The following HHAT variants were observed in gnomAD, a reference collection of about 807,000 sequenced individuals.
HHAT encodes hedgehog acyltransferase, also known as protein-cysteine N-palmitoyltransferase HHAT.
HHAT carries 47 observed loss-of-function variants against 70.8 expected under a neutral mutation model. That is an observed-to-expected ratio of 0.66 (90% CI 0.53 to 0.85). HHAT has a LOEUF of 0.85. HHAT is among the 40% of genes least tolerant of loss of function. HHAT has a pLI of 0.00. For missense variants in HHAT, 609 were observed against 604.8 expected (o/e 1.01, Z -0.07); for synonymous variants, 228 against 247.6 (o/e 0.92, Z 0.74).
At chr1:210,545,056 T>G (rs1164745413) in intron 9 of HHAT, among the ~76,000 whole-genome samples, 1 of 151,912 alleles carries the variant, frequency 6.6e-6, no homozygotes, top group Non-Finnish European at 1.5e-5. Context: ...CTACCCGTTC[T>G]CCATATTGTA....
intron 9 of HHAT, among the ~76,000 whole-genome samples, chr1:210,560,077 G>T (rs1050306167): frequency 1.3e-5 from 2 of 152,148 alleles, no homozygotes; most frequent in Non-Finnish European, 2.9e-5. Context: ...AAGTTTTCCT[G>T]TGTGCTCCTT....
rs1553313987 is a variant in HHAT, at chr1:210,340,242, G to GGGGAAAA, written c.-43-8691_-43-8690insGGGAAAA. Among the ~76,000 whole-genome samples the GGGGAAAA allele has an allele frequency of 1.2e-3, 123 of 99,782 alleles. 16 individuals carry two copies. The highest frequency in any genetic ancestry group is 2.2e-3 in the African/African-American group (65 of 29,626). The allele number at this position is 99,782 out of a possible 152,430, so 65.5% of individuals were successfully genotyped here. ...GGGGATAGAGCAAGACTCTGTCTCAGAAAAAAAAAAAAAAAAAAAAAAAAA... is the reference window on the plus strand; with the variant it reads ...GGGGATAGAGCAAGACTCTGTCTCAGGGGAAAAAAAAAAAAAAAAAAAAAAAAAAAAA... On this transcript the variant is annotated intron_variant, in intron 1 of 11. Coordinates refer to ENST00000261458, the MANE Select transcript of HHAT (RefSeq NM_018194.6).
chr1:210,483,440 C>T (rs1221521401), intron 8 of HHAT, among the ~76,000 whole-genome samples: 1 of 152,162 alleles, frequency 6.6e-6, no homozygotes, highest in African/African-American at 2.4e-5. Flanking sequence ...CAGCCGCTGG[C>T]TATGATTGCC....
chr1:210,457,463 C>T (rs750609146), intron 7 of HHAT, among the ~76,000 whole-genome samples: 4 of 152,056 alleles, frequency 2.6e-5, no homozygotes, highest in Non-Finnish European at 4.4e-5. Context: ...AGAAAATGTC[C>T]AGACGAGAGG....
chr1:210,329,083 C>T lies in HHAT; in HGVS notation c.-65C>T, dbSNP rs1345859513. On this transcript the variant is annotated 5_prime_UTR_variant, in exon 1 of 12. Transcript: ENST00000261458. ...CGGCGCGCGTGAACGTTGCCGTCGC[C>T]GCCGCCCGGGACAGCCCGGAGGTTG... is the stretch of plus-strand genomic sequence containing the variant. 4 of 1,421,514 alleles carry T rather than the reference C, an allele frequency of 2.8e-6. No individual in the cohort carries two copies. Among genetic ancestry groups the T allele is most frequent in the Middle Eastern group, 1.8e-4 (1 of 5,582 alleles). 88.1% of individuals were successfully genotyped at this position (1,421,514 alleles called of 1,614,324 possible).
At chr1:210,332,955 AG>A (rs1406647695) in intron 1 of HHAT, among the ~76,000 whole-genome samples, 1 of 152,218 alleles carries the variant, frequency 6.6e-6, no homozygotes. Context: ...GGCTAGGGTT[AG>A]CTTGTGGGCT....
intron 7 of HHAT, among the ~76,000 whole-genome samples, chr1:210,420,107 G>A (rs1323797809): frequency 3.3e-5 from 5 of 152,144 alleles, no homozygotes; most frequent in African/African-American, 1.2e-4. Flanking sequence ...AATCCCATCA[G>A]CCTCTATTAC....
At chr1:210,673,764 TA>T in intron 11 of HHAT, among the ~76,000 whole-genome samples, 2 of 8,206 alleles carry the variant, frequency 2.4e-4, no homozygotes, top group African/African-American at 2.9e-3. Context: ...GCTTATTTAT[TA>T]TTTATTTATT....
chr1:210,470,019 T>G (rs1311353063), intron 8 of HHAT, among the ~76,000 whole-genome samples: 1 of 152,108 alleles, frequency 6.6e-6, no homozygotes, highest in African/African-American at 2.4e-5. Flanking sequence ...AATTTTTAAA[T>G]TTTTTGTAGA....
intron 9 of HHAT, among the ~76,000 whole-genome samples, chr1:210,565,183 G>A (rs544236221): frequency 9.9e-5 from 15 of 152,272 alleles, no homozygotes; most frequent in South Asian, 2.1e-4. Flanking sequence ...GGGACAAATC[G>A]TGAATGGACA....
chr1:210,673,585 CTTCTT>C (rs1295852148), intron 11 of HHAT, among the ~76,000 whole-genome samples: 5 of 88,376 alleles, frequency 5.7e-5, no homozygotes, highest in African/African-American at 2.1e-4. Flanking sequence ...AACGTGGATT[CTTCTT>C]TTTTTTTTTT....
intron 9 of HHAT, among the ~76,000 whole-genome samples, chr1:210,580,216 T>A (rs760840546): frequency 6.6e-6 from 1 of 152,194 alleles, no homozygotes; most frequent in South Asian, 2.1e-4. Context: ...AATAGACTCC[T>A]CTTAGCCTTA....
At chr1:210,463,426 G>A (rs2094023015) in intron 7 of HHAT, among the ~76,000 whole-genome samples, 1 of 152,080 alleles carries the variant, frequency 6.6e-6, no homozygotes, top group South Asian at 2.1e-4. Context: ...TTTTGTGACT[G>A]GCTTGTTTCA....
chr1:210,407,228 G>GA (rs984715374), intron 6 of HHAT, among the ~76,000 whole-genome samples: 14 of 152,356 alleles, frequency 9.2e-5, no homozygotes, highest in African/African-American at 3.4e-4. Context: ...GGTGGAGAAA[G>GA]AAAGCTAGTT....
intron 8 of HHAT, among the ~76,000 whole-genome samples, chr1:210,495,514 CA>C (rs2094622951): frequency 6.6e-6 from 1 of 152,008 alleles, no homozygotes; most frequent in Non-Finnish European, 1.5e-5. Flanking sequence ...TTGCAAGAAT[CA>C]ATTGAAGTAA....
chr1:210,655,318 C>A (rs762283336), intron 11 of HHAT, among the ~76,000 whole-genome samples: 30 of 152,208 alleles, frequency 2.0e-4, no homozygotes, highest in Non-Finnish European at 2.1e-4. Context: ...GAGATCCTGG[C>A]TGTCTTGACT....
chr1:210,372,197 C>G (rs999566044), intron 3 of HHAT, among the ~76,000 whole-genome samples: 1 of 152,168 alleles, frequency 6.6e-6, no homozygotes, highest in Admixed American at 6.5e-5. Flanking sequence ...CCTGGCATGC[C>G]ATTTAACAAA....
chr1:210,594,408 A>G (rs1662446531), intron 10 of HHAT, among the ~76,000 whole-genome samples: 2 of 152,200 alleles, frequency 1.3e-5, no homozygotes, highest in Admixed American at 1.3e-4. Flanking sequence ...AATTGCATAA[A>G]CAAATTAATA....
At position 210,451,143 on chromosome 1, in the gene HHAT, G is replaced by A. The variant is rs191633087; in HGVS notation, c.857-13362G>A. Among the ~76,000 whole-genome samples the A allele has an allele frequency of 1.2e-4, 18 of 151,408 alleles. No homozygotes were observed. The East Asian group carries it at 2.3e-3, about 20-fold the overall frequency. On this transcript the variant is annotated intron_variant, in intron 7 of 11. Coordinates refer to ENST00000261458, the MANE Select transcript of HHAT (RefSeq NM_018194.6). ...AGCACTATTTGTGGAAGTATTTTTA[G>A]CAGAACTCTGCAGAGAAGCTTGGAG...
Sources: gnomAD v4.1 joint callset for allele counts (sites outside exome capture counted in the v4.1 genomes callset) on GRCh38, gnomAD v4.1.1 for gene constraint, MANE v1.5 for transcripts, NCBI Gene and HGNC (gene_info 2026-07-23, HGNC 2026-07-21) for gene names.